PTCRA: variants seen among roughly 807,000 people sequenced by gnomAD.
PTCRA encodes pre T cell antigen receptor alpha, also known as pre T-cell antigen receptor alpha.
Under a neutral mutation model 13.4 loss-of-function variants are expected in PTCRA, and 9 were observed. That is an observed-to-expected ratio of 0.67 (90% CI 0.41 to 1.18). PTCRA has a LOEUF of 1.18. Ranked by LOEUF, PTCRA falls within the 50% of genes most tolerant of loss-of-function variation. The pLI is 0.01. For missense variants in PTCRA, 353 were observed against 359.8 expected, an observed-to-expected ratio of 0.98 and a Z score of 0.15; for synonymous variants, 153 against 161.9, an observed-to-expected ratio of 0.94 and a Z score of 0.42.
At chr6:42,924,697 G>A (rs965965544) in intron 3 of PTCRA, among the ~76,000 whole-genome samples, 7 of 152,164 alleles carry the variant, frequency 4.6e-5, no homozygotes, top group African/African-American at 1.7e-4. Flanking sequence ...TTGAGGCCGG[G>A]TGCGGTGGCT....
chr6:42,923,338 C>T lies in PTCRA; in HGVS notation c.370C>T (p.His124Tyr), dbSNP rs771146026. 14 of 1,613,984 alleles carry T rather than the reference C, an allele frequency of 8.7e-6. No homozygotes were observed. Among genetic ancestry groups the T allele is most frequent in the African/African-American group, 1.3e-5 (1 of 75,068 alleles). The change falls in exon 2 of 4, where the codon CAT (histidine) becomes TAT (tyrosine). Residue 124 changes from histidine to tyrosine, a missense_variant. Coordinates refer to ENST00000304672, the MANE Select transcript of PTCRA (RefSeq NM_138296.3). ...TCACAGCAGGAGTACACAGCCCATG[C>T]ATCTGTCAGGTGGGGATGGAGCCTG... ...EGHSRSTQPM[H>Y]LSGEASTART...
intron 1 of PTCRA, among the ~76,000 whole-genome samples, chr6:42,921,002 G>C (rs921168967): frequency 6.6e-6 from 1 of 151,356 alleles, no homozygotes. Context: ...TCGCCATGTT[G>C]GCCAGGGTGT....
rs1275341049 is a variant in PTCRA at position 42,925,621 on chromosome 6, C to G, written c.785C>G (p.Ser262Cys). 6.3e-7 allele frequency: 1 copy of G among 1,577,196 alleles called. No homozygotes were observed. Among genetic ancestry groups the G allele is most frequent in the Non-Finnish European group, 8.6e-7 (1 of 1,162,990 alleles). Residue 262 changes from serine to cysteine, a missense_variant, in exon 4 of 4, where the codon TCC becomes TGC. Physicochemically the swap from Ser to Cys is moderately radical, Grantham distance 112 (BLOSUM62 -1). Coordinates refer to ENST00000304672, the MANE Select transcript of PTCRA (RefSeq NM_138296.3). This position sits in a 1 kb window ranked among gnomAD's most constrained non-coding sequence, Gnocchi z 4.4. Reference sequence around the variant, plus strand: ...AGATCTGCCCTCAGGGCTCCTTCCTCCAGTCTTGGAGCATTTTTTGCAGGT... The same window carrying G: ...AGATCTGCCCTCAGGGCTCCTTCCTGCAGTCTTGGAGCATTTTTTGCAGGT... ...CSRSALRAPS[S>C]SLGAFFAGDL...
At chr6:42,916,799 G>T (rs1562525170) in intron 1 of PTCRA, among the ~76,000 whole-genome samples, 1 of 152,170 alleles carries the variant, frequency 6.6e-6, no homozygotes. Context: ...AGTCAGGGGG[G>T]TCTCCTTGAT....
chr6:42,919,142 C>G (rs1395933343), intron 1 of PTCRA, among the ~76,000 whole-genome samples: 1 of 151,470 alleles, frequency 6.6e-6, no homozygotes, highest in Non-Finnish European at 1.5e-5. Context: ...ATTACAGGCG[C>G]GTGCCACCAC....
chr6:42,922,261 G>A, intron 1 of PTCRA: 1 of 702,532 alleles, frequency 1.4e-6, no homozygotes, highest in African/African-American at 1.7e-5. Context: ...CCACAACAGG[G>A]TATTACAAGT....
At chr6:42,924,531 G>A (rs1280583970) in intron 3 of PTCRA, 1 of 552,626 alleles carries the variant, frequency 1.8e-6, no homozygotes, top group African/African-American at 2.0e-5. Context: ...CTAACAGAGG[G>A]GTCTTTGGAG....
At chr6:42,922,253 A>G (rs1311532754) in intron 1 of PTCRA, 3 of 702,764 alleles carry the variant, frequency 4.3e-6, no homozygotes, top group Non-Finnish European at 7.8e-6. Context: ...AGAGGCTGCC[A>G]CAACAGGGTA....
intron 1 of PTCRA, 90 bp downstream of exon 1, chr6:42,916,217 T>G: frequency 7.8e-7 from 1 of 1,286,988 alleles, no homozygotes; most frequent in Admixed American, 1.8e-5. Context: ...ACTGATGGGC[T>G]GCAGGGAGGC....
intron 1 of PTCRA, among the ~76,000 whole-genome samples, chr6:42,922,039 A>C (rs1043124192): frequency 8.5e-5 from 13 of 152,058 alleles, no homozygotes; most frequent in East Asian, 3.9e-4. Flanking sequence ...AGCAAGCAAA[A>C]AAACAAACAA....
chr6:42,921,696 A>C (rs571940825), intron 1 of PTCRA, among the ~76,000 whole-genome samples: 5 of 144,110 alleles, frequency 3.5e-5, no homozygotes, highest in African/African-American at 1.3e-4. Flanking sequence ...GATTACAGGC[A>C]TGAGCCACCG....
rs1309316990 is a variant in PTCRA at position 42,916,098 on chromosome 6, T to C, written c.29T>C (p.Leu10Pro). 3 of 1,614,094 alleles carry C rather than the reference T, an allele frequency of 1.9e-6. No homozygotes were observed. The South Asian group carries it at 3.3e-5, about 18-fold the overall frequency. Residue 10 changes from leucine to proline, a missense_variant, in exon 1 of 4, where the codon CTG (leucine) becomes CCG (proline). By Grantham distance (98) the Leu-to-Pro change is moderately conservative. Coordinates refer to ENST00000304672, the MANE Select transcript of PTCRA (RefSeq NM_138296.3). The part of the protein sequence containing the change: MAGTWLLLL[L>P]ALGCPALPTG... ...GCCGGTACATGGCTGCTACTTCTCC[T>C]GGCCCTTGGGTGTCCAGCCCTACCC...
intron 1 of PTCRA, among the ~76,000 whole-genome samples, chr6:42,920,647 T>A (rs754819331): frequency 6.6e-6 from 1 of 151,854 alleles, no homozygotes; most frequent in African/African-American, 2.4e-5. Context: ...GGATGGTCTC[T>A]ATCTCCTGAC....
At chr6:42,924,407 T>C (rs935389029) in intron 3 of PTCRA, 134 bp downstream of exon 3, 3 of 761,912 alleles carry the variant, frequency 3.9e-6, no homozygotes, top group Non-Finnish European at 6.9e-6. Flanking sequence ...GAGGCTGTCA[T>C]GCTAGGTTGG....
intron 1 of PTCRA, among the ~76,000 whole-genome samples, chr6:42,920,571 G>C (rs947255173): frequency 3.3e-5 from 5 of 150,556 alleles, no homozygotes; most frequent in East Asian, 2.1e-4. Flanking sequence ...ACTACAGGCG[G>C]CTGCCACCAC....
rs147986652 is a variant in PTCRA, at chr6:42,923,263, C to T, written c.295C>T (p.Leu99=). The change falls in exon 2 of 4, where the codon CTG becomes TTG. Residue 99 remains leucine (L), a synonymous_variant. Transcript: ENST00000304672. ...CCATCTCTCCCTGCCTTCTGAGGAG[C>T]TGGCATCCTGGGAGCCTTTGGTCTG... ...LAHLSLPSEE[L]ASWEPLVCHT... is the part of the protein sequence containing the mutation. The T allele has an allele frequency of 6.2e-7, 1 of 1,614,186 alleles. No individual in the cohort carries two copies. The highest frequency in any genetic ancestry group is 1.3e-5 in the African/African-American group (1 of 75,056).
intron 1 of PTCRA, among the ~76,000 whole-genome samples, chr6:42,917,090 A>G (rs963605418): frequency 1.3e-5 from 2 of 151,990 alleles, no homozygotes; most frequent in African/African-American, 4.8e-5. Context: ...ATTAATATTA[A>G]TATCAACAAT....
chr6:42,925,360 C>T lies in PTCRA; in HGVS notation c.524C>T (p.Pro175Leu). Residue 175 changes from proline to leucine, a missense_variant, in exon 4 of 4, where the codon CCC becomes CTC. Physicochemically the swap from Pro to Leu is moderately conservative, Grantham distance 98. Transcript: ENST00000304672. The surrounding 1 kb of genome is among the most constrained non-coding windows in gnomAD (Gnocchi z 4.4). ...LLLTCSCLCD[P>L]AGPLPSPATT... ...CTGACCTGCAGCTGCCTGTGCGACC[C>T]CGCGGGCCCGCTGCCTTCCCCCGCA... is the stretch of plus-strand genomic sequence containing the variant. 1.3e-6 allele frequency: 2 copies of T among 1,559,044 alleles called. No homozygotes were observed. Among genetic ancestry groups the T allele is most frequent in the Non-Finnish European group, 1.7e-6 (2 of 1,152,878 alleles).
At chr6:42,922,520 G>T (rs556504572) in intron 1 of PTCRA, among the ~76,000 whole-genome samples, 1 of 152,120 alleles carries the variant, frequency 6.6e-6, no homozygotes, top group East Asian at 1.9e-4. Context: ...AGGACGAGGC[G>T]GGTGGATCAC....
Sources: gnomAD v4.1 joint callset for allele counts (sites outside exome capture counted in the v4.1 genomes callset) on GRCh38, gnomAD v4.1.1 for gene constraint, Gnocchi (gnomAD v3.1) non-coding constraint, MANE v1.5 for transcripts, NCBI Gene and HGNC (gene_info 2026-07-23, HGNC 2026-07-21) for gene names.